The following ST18 variants were observed in gnomAD, a reference collection of about 807,000 sequenced individuals.
ST18 encodes ST18 C2H2C-type zinc finger transcription factor.
Under a neutral mutation model 110.0 loss-of-function variants are expected in ST18, and 50 were observed. That is an observed-to-expected ratio of 0.45 (90% CI 0.36 to 0.58). The LOEUF is 0.58. Among genes scored for constraint, ST18 ranks in the 20% least tolerant of loss-of-function variants. ST18 has a pLI of 0.00. For synonymous variants in ST18, 461 were observed against 452.4 expected (o/e 1.02, Z -0.24); for missense variants, 1,306 against 1,280.1 (o/e 1.02, Z -0.31).
At chr8:52,249,870 C>A (rs574950798) in intron 2 of ST18, among the ~76,000 whole-genome samples, 16 of 151,866 alleles carry the variant, frequency 1.1e-4, no homozygotes, top group Admixed American at 4.6e-4. Flanking sequence ...AGCAAGGAGC[C>A]CAGATTTGAA....
At chr8:52,333,598 G>T (rs1810635560) in intron 2 of ST18, among the ~76,000 whole-genome samples, 1 of 152,210 alleles carries the variant, frequency 6.6e-6, no homozygotes, top group Admixed American at 6.5e-5. Context: ...AAACTGGGGT[G>T]GGGGCGAAGC....
At chr8:52,374,350 G>A (rs1831364642) in intron 2 of ST18, among the ~76,000 whole-genome samples, 1 of 151,984 alleles carries the variant, frequency 6.6e-6, no homozygotes, top group African/African-American at 2.4e-5. Context: ...TAGAAGCCGG[G>A]GAACACAGAG....
At chr8:52,221,961 G>A (rs1013919486) in intron 3 of ST18, 168 bp from the exon 4 acceptor site, 6 of 150,256 alleles carry the variant, frequency 4.0e-5, no homozygotes, top group Admixed American at 1.3e-4. Context: ...ATTCTATTGC[G>A]CCCTCAGTTC....
At chr8:52,214,442 C>A (rs1227698742) in intron 6 of ST18, among the ~76,000 whole-genome samples, 185 bp from the exon 7 acceptor site, 2 of 152,120 alleles carry the variant, frequency 1.3e-5, no homozygotes, top group Non-Finnish European at 2.9e-5. Flanking sequence ...GGAAATACAT[C>A]TACAGTTGCT....
intron 2 of ST18, among the ~76,000 whole-genome samples, chr8:52,316,859 T>G (rs1191224649): frequency 6.6e-6 from 1 of 152,216 alleles, no homozygotes; most frequent in African/African-American, 2.4e-5. Context: ...GAACCATGCA[T>G]GAAAGTAGTG....
chr8:52,190,479 G>C (rs773270416), intron 8 of ST18, among the ~76,000 whole-genome samples: 1 of 152,068 alleles, frequency 6.6e-6, no homozygotes, highest in Non-Finnish European at 1.5e-5. Flanking sequence ...CTGCCATCAC[G>C]TCAAACAAGT....
rs28642761 is a variant in ST18, at chr8:52,113,600, G to C, written c.3004-262C>G. ...CACATAAAGTATATGTCTGGCTATGGACTCGGACTCCACAAAACTTTTCTA... is the reference window on the plus strand; with the variant it reads ...CACATAAAGTATATGTCTGGCTATGCACTCGGACTCCACAAAACTTTTCTA... On this transcript the variant is annotated intron_variant, in intron 25 of 25. Coordinates refer to ENST00000689386, the MANE Select transcript of ST18 (RefSeq NM_001352837.2). 8.8e-3 allele frequency among the ~76,000 whole-genome samples: 1,341 copies of C among 152,240 alleles called. 26 individuals are homozygous for C. The highest frequency in any genetic ancestry group is 0.031 in the African/African-American group (1,269 of 41,540).
chr8:52,278,134 A>G (rs747366175), intron 2 of ST18, among the ~76,000 whole-genome samples: 6 of 152,220 alleles, frequency 3.9e-5, no homozygotes, highest in Non-Finnish European at 8.8e-5. Flanking sequence ...GCTTATCTTG[A>G]GCTGGATGCT....
intron 8 of ST18, among the ~76,000 whole-genome samples, chr8:52,181,051 G>A (rs1175111832): frequency 1.3e-5 from 2 of 152,198 alleles, no homozygotes; most frequent in African/African-American, 2.4e-5. Flanking sequence ...TTTCAAAATA[G>A]ATTTCCTACA....
chr8:52,294,720 G>T (rs1354039101), intron 2 of ST18, among the ~76,000 whole-genome samples: 1 of 152,262 alleles, frequency 6.6e-6, no homozygotes, highest in African/African-American at 2.4e-5. Flanking sequence ...GATTCCTGCA[G>T]TCTCAGGTCT....
chr8:52,149,790 C>G lies in ST18; in HGVS notation c.1994G>C (p.Gly665Ala). 2 of 1,614,168 alleles carry G rather than the reference C, an allele frequency of 1.2e-6. No homozygotes were observed. The highest frequency in any genetic ancestry group is 2.2e-5 in the South Asian group (2 of 91,084). Residue 665 changes from glycine to alanine, a missense_variant, in exon 16 of 26, where the codon GGC becomes GCC. Transcript: ENST00000689386. ...AFYQALCDQE[G>A]WDTPINYSKT... ...GCTATAGTTGATAGGAGTGTCCCAG[C>G]CCTCTTGGTCACAAAGAGCCTGATA...
At chr8:52,127,915 A>C (rs1262221183) in intron 22 of ST18, among the ~76,000 whole-genome samples, 1 of 152,206 alleles carries the variant, frequency 6.6e-6, no homozygotes, top group African/African-American at 2.4e-5. Flanking sequence ...GAAAGGCAGA[A>C]AAAAACGTGC....
chr8:52,367,522 G>A (rs910005710), intron 2 of ST18, among the ~76,000 whole-genome samples: 2 of 152,136 alleles, frequency 1.3e-5, no homozygotes, highest in Non-Finnish European at 2.9e-5. Context: ...AATATATAAA[G>A]GTCATTGATG....
intron 2 of ST18, among the ~76,000 whole-genome samples, chr8:52,334,358 A>G (rs1324295661): frequency 6.6e-6 from 1 of 152,214 alleles, no homozygotes; most frequent in Non-Finnish European, 1.5e-5. Flanking sequence ...CACCTGATTT[A>G]CAATTGTTCT....
chr8:52,156,528 A>G (rs966010326), intron 15 of ST18, among the ~76,000 whole-genome samples: 3 of 152,186 alleles, frequency 2.0e-5, no homozygotes, highest in African/African-American at 7.2e-5. Flanking sequence ...CATTAAGTAA[A>G]AGGCAGCACT....
At chr8:52,247,417 A>G in intron 2 of ST18, among the ~76,000 whole-genome samples, 1 of 152,190 alleles carries the variant, frequency 6.6e-6, no homozygotes, top group East Asian at 1.9e-4. Context: ...AAGAATGACA[A>G]TTACATTTCT....
chr8:52,299,390 A>G (rs1589720107), intron 2 of ST18, among the ~76,000 whole-genome samples: 1 of 152,256 alleles, frequency 6.6e-6, no homozygotes, highest in East Asian at 1.9e-4. Flanking sequence ...CATTTTTATT[A>G]CTAGTTGTTT....
intron 8 of ST18, among the ~76,000 whole-genome samples, chr8:52,196,687 T>A (rs551621007): frequency 6.6e-5 from 10 of 152,324 alleles, no homozygotes; most frequent in African/African-American, 2.4e-4. Context: ...TGTGCCTACG[T>A]TATAAATTAA....
chr8:52,118,497 T>C (rs2130635146), intron 23 of ST18, 56 bp from the exon 24 acceptor site: 1 of 1,014,336 alleles, frequency 9.9e-7, no homozygotes, highest in Non-Finnish European at 1.4e-6. Flanking sequence ...AAATGAGTCA[T>C]TATATGTTTA....
Sources: allele counts gnomAD v4.1 joint callset (sites outside exome capture counted in the v4.1 genomes callset), GRCh38; gene constraint gnomAD v4.1.1; transcripts MANE v1.5; gene names NCBI Gene and HGNC (gene_info 2026-07-23, HGNC 2026-07-21).